Variants in ARHGAP42 observed in about 807,000 individuals in gnomAD.
The protein encoded by ARHGAP42 is rho GTPase-activating protein 42.
ARHGAP42 carries 63 observed loss-of-function variants against 125.0 expected under a neutral mutation model. That is an observed-to-expected ratio of 0.50 (90% CI 0.41 to 0.62). The LOEUF (loss-of-function observed/expected upper bound fraction) is 0.62. Among genes scored for constraint, ARHGAP42 ranks in the 20% least tolerant of loss-of-function variants. ARHGAP42 has a pLI of 0.00. For missense variants in ARHGAP42, 766 were observed against 1,024.2 expected (o/e 0.75, Z 3.44); for synonymous variants, 339 against 351.0 (o/e 0.97, Z 0.38).
chr11:100,902,346 A>C (rs1866575849), intron 4 of ARHGAP42, among the ~76,000 whole-genome samples: 1 of 151,788 alleles, frequency 6.6e-6, no homozygotes, highest in African/African-American at 2.4e-5. Flanking sequence ...TTAAGATGGG[A>C]GTCATGGTAA....
intron 4 of ARHGAP42, among the ~76,000 whole-genome samples, chr11:100,892,831 T>C (rs532477374): frequency 6.6e-6 from 1 of 152,290 alleles, no homozygotes; most frequent in Admixed American, 6.5e-5. Context: ...TTAATTGTTA[T>C]TACCTCATGA....
At chr11:100,942,452 A>T (rs1479474282) in intron 9 of ARHGAP42, among the ~76,000 whole-genome samples, 1 of 152,180 alleles carries the variant, frequency 6.6e-6, no homozygotes, top group African/African-American at 2.4e-5. Context: ...TTGTTTGAGG[A>T]AATGCTGCAG....
intron 1 of ARHGAP42, among the ~76,000 whole-genome samples, chr11:100,769,094 G>T (rs1278606025): frequency 6.6e-6 from 1 of 152,136 alleles, no homozygotes; most frequent in Admixed American, 6.6e-5. Flanking sequence ...TAACACAGTG[G>T]TAAGTATGTA....
intron 1 of ARHGAP42, among the ~76,000 whole-genome samples, chr11:100,733,146 A>T (rs1404442416): frequency 6.6e-6 from 1 of 152,228 alleles, no homozygotes; most frequent in Non-Finnish European, 1.5e-5. Context: ...CAGCTGCTAG[A>T]TTCAAATCTA....
chr11:100,749,625 C>A (rs1023788510), intron 1 of ARHGAP42, among the ~76,000 whole-genome samples: 1 of 152,190 alleles, frequency 6.6e-6, no homozygotes, highest in African/African-American at 2.4e-5. Context: ...GGCTGCTCCC[C>A]CAAGGGAGAA....
chr11:100,904,278 C>T (rs564713749), intron 4 of ARHGAP42, among the ~76,000 whole-genome samples: 2 of 148,676 alleles, frequency 1.3e-5, no homozygotes, highest in African/African-American at 5.0e-5. Flanking sequence ...GAGTCTTGCT[C>T]TGTCGCCCAG....
chr11:100,985,563 G>A (rs79028826), intron 22 of ARHGAP42, among the ~76,000 whole-genome samples: 7,482 of 152,208 alleles, frequency 0.049, 319 homozygotes, highest in East Asian at 0.25. Flanking sequence ...ACATACCCAC[G>A]TGCATGTGTT....
intron 12 of ARHGAP42, among the ~76,000 whole-genome samples, chr11:100,950,296 TATATTAA>T (rs1857613060): frequency 1.4e-5 from 2 of 147,436 alleles, no homozygotes; most frequent in African/African-American, 4.9e-5. Context: ...AAATATATTA[TATATTAA>T]TAAATATATA....
chr11:100,746,987 G>A (rs1242463452), intron 1 of ARHGAP42, among the ~76,000 whole-genome samples: 1 of 152,124 alleles, frequency 6.6e-6, no homozygotes, highest in Non-Finnish European at 1.5e-5. Context: ...AGTCTCAGTG[G>A]TTAGCAGCAC....
chr11:100,705,030 AAAAG>A (rs1297875668), intron 1 of ARHGAP42, among the ~76,000 whole-genome samples: 63 of 144,920 alleles, frequency 4.3e-4, no homozygotes, highest in East Asian at 8.0e-4. Flanking sequence ...AAAAAAAAAA[AAAAG>A]AGAGAAGAAA....
chr11:100,948,741 C>T (rs921260440), intron 11 of ARHGAP42, among the ~76,000 whole-genome samples: 1 of 152,038 alleles, frequency 6.6e-6, no homozygotes, highest in Non-Finnish European at 1.5e-5. Flanking sequence ...TATAAGGGGA[C>T]TTTTGGGACT....
rs2135339665 is a variant in ARHGAP42 at position 100,989,388 on chromosome 11, T to C, written c.*587T>C. The C allele has an allele frequency of 2.9e-6, 1 of 340,350 alleles. No individual in the cohort carries two copies. Among genetic ancestry groups the C allele is most frequent in the East Asian group, 4.3e-5 (1 of 23,246 alleles). The allele number at this position is 340,350 out of a possible 1,614,324, so 21.1% of individuals were successfully genotyped here. ...TTCAAAAGCAATAATGTATATGATA[T>C]CTATAAAGGAAGCAAAATTAAGTCA... On this transcript the variant is annotated 3_prime_UTR_variant, in exon 24 of 24. Transcript: ENST00000298815.
intron 12 of ARHGAP42, among the ~76,000 whole-genome samples, chr11:100,955,100 A>C (rs1857769247): frequency 6.6e-6 from 1 of 152,104 alleles, no homozygotes; most frequent in South Asian, 2.1e-4. Context: ...AGCTCTGTGG[A>C]AGACTATTCT....
chr11:100,687,882 C>T (rs931626165), intron 1 of ARHGAP42, 50 bp downstream of exon 1: 17 of 1,492,634 alleles, frequency 1.1e-5, no homozygotes, highest in South Asian at 2.6e-5. Context: ...AGAGTCCCCG[C>T]GGGGTGCGGG....
intron 1 of ARHGAP42, among the ~76,000 whole-genome samples, chr11:100,766,222 G>GGTGT (rs145892062): frequency 0.062 from 9,281 of 149,220 alleles, 358 homozygotes; most frequent in East Asian, 0.19. Context: ...AAGGATGTGG[G>GGTGT]GTGTGTGTGT....
intron 6 of ARHGAP42, among the ~76,000 whole-genome samples, chr11:100,927,278 A>G (rs1005584918): frequency 6.6e-6 from 1 of 152,106 alleles, no homozygotes; most frequent in Non-Finnish European, 1.5e-5. Flanking sequence ...TAACATTTTG[A>G]TGTGTTTTTC....
chr11:100,900,627 A>C (rs1007157561), intron 4 of ARHGAP42, among the ~76,000 whole-genome samples: 19 of 151,954 alleles, frequency 1.3e-4, no homozygotes, highest in African/African-American at 4.6e-4. Flanking sequence ...TTTTTTCCCT[A>C]AACTTGCCTT....
intron 3 of ARHGAP42, among the ~76,000 whole-genome samples, chr11:100,839,220 T>C (rs1012859034): frequency 6.6e-6 from 1 of 152,206 alleles, no homozygotes; most frequent in African/African-American, 2.4e-5. Context: ...TCCTAAGATA[T>C]AGCAGTATCT....
chr11:100,706,826 C>T (rs1181420399), intron 1 of ARHGAP42, among the ~76,000 whole-genome samples: 1 of 152,164 alleles, frequency 6.6e-6, no homozygotes, highest in Non-Finnish European at 1.5e-5. Flanking sequence ...CAGAGTTGTA[C>T]AACCATTACT....
Sources: gnomAD v4.1 joint callset for allele counts (sites outside exome capture counted in the v4.1 genomes callset) on GRCh38, gnomAD v4.1.1 for gene constraint, MANE v1.5 for transcripts, NCBI Gene and HGNC (gene_info 2026-07-23, HGNC 2026-07-21) for gene names.